Variants in ATG7 observed in about 807,000 individuals in gnomAD.
The protein encoded by ATG7 is ubiquitin-like modifier-activating enzyme ATG7.
In ATG7, 70 loss-of-function variants were observed where a neutral mutation model predicts 82.4. The observed-to-expected ratio is 0.85, with a 90% CI of 0.70 to 1.04. The LOEUF (loss-of-function observed/expected upper bound fraction) is 1.04, where lower values mean the gene tolerates loss of function less well. Ranked by LOEUF, ATG7 falls within the 50% of genes least tolerant of loss-of-function variation. The pLI, the probability that ATG7 is intolerant of heterozygous loss-of-function variation, is 0.00. For synonymous variants in ATG7, 287 were observed against 313.0 expected, an observed-to-expected ratio of 0.92 and a Z score of 0.88; for missense variants, 792 against 864.3, an observed-to-expected ratio of 0.92 and a Z score of 1.05.
chr3:11,558,855 C>T (rs1269387799), downstream of ATG7: 2 of 1,606,372 alleles, frequency 1.2e-6, no homozygotes, highest in African/African-American at 1.3e-5. Flanking sequence ...GGCAGGCAGT[C>T]AGACACAGGT....
chr3:11,368,208 C>T (rs184662998), intron 18 of ATG7, among the ~76,000 whole-genome samples: 39 of 145,306 alleles, frequency 2.7e-4, no homozygotes, highest in African/African-American at 8.2e-4. Flanking sequence ...TCCTTCTTCC[C>T]ATCAACAGTG....
intron 18 of ATG7, among the ~76,000 whole-genome samples, chr3:11,369,799 C>T (rs186432443): frequency 6.6e-6 from 1 of 151,282 alleles, no homozygotes; most frequent in East Asian, 1.9e-4. Flanking sequence ...AAGGATGTCA[C>T]TTTGCCCCAT....
At chr3:11,461,962 C>G (rs1317749529) in intron 20 of ATG7, among the ~76,000 whole-genome samples, 1 of 151,706 alleles carries the variant, frequency 6.6e-6, no homozygotes, top group Admixed American at 6.6e-5. Context: ...ACCCGGGAGG[C>G]AGAGCTTGCA....
At chr3:11,389,634 C>G (rs2078624775) in intron 19 of ATG7, among the ~76,000 whole-genome samples, 1 of 152,148 alleles carries the variant, frequency 6.6e-6, no homozygotes, top group Non-Finnish European at 1.5e-5. Context: ...GGAGAATACA[C>G]ATGAGCAAGT....
At chr3:11,449,182 T>C (rs910773263) in intron 20 of ATG7, among the ~76,000 whole-genome samples, 1 of 152,222 alleles carries the variant, frequency 6.6e-6, no homozygotes. Context: ...GCCTTCACCA[T>C]CTGCTAACTA....
intron 14 of ATG7, among the ~76,000 whole-genome samples, chr3:11,356,212 T>A (rs937059067): frequency 9.9e-5 from 15 of 152,246 alleles, no homozygotes; most frequent in African/African-American, 3.6e-4. Flanking sequence ...GTTCTATATC[T>A]TGATAGCTGT....
intron 20 of ATG7, among the ~76,000 whole-genome samples, chr3:11,452,210 C>A (rs955434536): frequency 6.6e-6 from 1 of 151,838 alleles, no homozygotes; most frequent in African/African-American, 2.4e-5. Context: ...CACAGTGAAA[C>A]CCTGTCTGTA....
chr3:11,486,511 T>C (rs1389736512), intron 20 of ATG7, among the ~76,000 whole-genome samples: 1 of 151,508 alleles, frequency 6.6e-6, no homozygotes, highest in African/African-American at 2.4e-5. Context: ...CCTCTTTTCC[T>C]AATTGAATAC....
intron 19 of ATG7, among the ~76,000 whole-genome samples, chr3:11,390,088 T>G (rs112269909): frequency 0.061 from 9,254 of 152,288 alleles, 302 homozygotes; most frequent in African/African-American, 0.081. Flanking sequence ...TGTTGAAACC[T>G]CCTACGTATC....
chr3:11,368,586 G>T (rs573864905), intron 18 of ATG7, among the ~76,000 whole-genome samples: 1 of 152,184 alleles, frequency 6.6e-6, no homozygotes, highest in East Asian at 1.9e-4. Flanking sequence ...GAGCCCAGGG[G>T]TTCAAGACCA....
chr3:11,507,415 T>C (rs1220724506), intron 20 of ATG7, among the ~76,000 whole-genome samples: 1 of 152,258 alleles, frequency 6.6e-6, no homozygotes, highest in Non-Finnish European at 1.5e-5. Context: ...ATATGTACTT[T>C]ATTAATACAT....
intron 20 of ATG7, among the ~76,000 whole-genome samples, chr3:11,428,996 G>A (rs1383584483): frequency 2.0e-5 from 3 of 152,146 alleles, no homozygotes; most frequent in African/African-American, 7.2e-5. Context: ...GGAGCAGAAG[G>A]GAGCATGGTT....
intron 19 of ATG7, among the ~76,000 whole-genome samples, chr3:11,400,651 C>G (rs2079749204): frequency 6.6e-6 from 1 of 152,120 alleles, no homozygotes; most frequent in African/African-American, 2.4e-5. Context: ...AAACCTGTAC[C>G]TGGGATATGT....
At chr3:11,411,122 T>G (rs972393504) in intron 19 of ATG7, among the ~76,000 whole-genome samples, 17 of 152,236 alleles carry the variant, frequency 1.1e-4, no homozygotes, top group African/African-American at 4.1e-4. Context: ...TCTTTTTCGT[T>G]GTAAAATAGT....
chr3:11,444,448 T>A (rs2084322200), intron 20 of ATG7, among the ~76,000 whole-genome samples: 1 of 152,220 alleles, frequency 6.6e-6, no homozygotes. Flanking sequence ...ATCTAAGATT[T>A]CTTTTGCCTG....
At chr3:11,418,866 C>A (rs2081654745) in intron 19 of ATG7, among the ~76,000 whole-genome samples, 2 of 152,172 alleles carry the variant, frequency 1.3e-5, no homozygotes, top group African/African-American at 2.4e-5. Flanking sequence ...GCACTTCTTA[C>A]ATGGCGGCAG....
At chr3:11,410,387 G>C (rs772658485) in intron 19 of ATG7, among the ~76,000 whole-genome samples, 2 of 151,558 alleles carry the variant, frequency 1.3e-5, no homozygotes, top group Non-Finnish European at 1.5e-5. Flanking sequence ...AATTTGTCTT[G>C]TTGACAAATG....
At chr3:11,490,839 C>T (rs1053239303) in intron 20 of ATG7, among the ~76,000 whole-genome samples, 4 of 152,232 alleles carry the variant, frequency 2.6e-5, no homozygotes, top group East Asian at 3.8e-4. Context: ...GCTGAGACAT[C>T]AGCTGTTAGC....
At chr3:11,558,627 G>A (rs377034464), downstream of ATG7, 37 of 1,609,086 alleles carry the variant, frequency 2.3e-5, no homozygotes, top group Admixed American at 3.3e-5. Flanking sequence ...TGGCCCCTGC[G>A]AGAGGCGGAC....
Sources: gnomAD v4.1 joint callset for allele counts (sites outside exome capture counted in the v4.1 genomes callset) on GRCh38, gnomAD v4.1.1 for gene constraint, MANE v1.5 for transcripts, NCBI Gene and HGNC (gene_info 2026-07-23, HGNC 2026-07-21) for gene names.